Variants in DISC1 observed in about 807,000 individuals in gnomAD.
The protein encoded by DISC1 is disrupted in schizophrenia 1 protein.
A neutral mutation model predicts 84.5 loss-of-function variants in DISC1; 57 were observed. The observed-to-expected ratio is 0.67, with a 90% CI of 0.55 to 0.84. The LOEUF is 0.84. Among genes scored for constraint, DISC1 ranks in the 40% least tolerant of loss-of-function variants. The probability of loss-of-function intolerance (pLI) is 0.00; values close to 1 mark genes in which losing one functional copy is unlikely to be tolerated. For synonymous variants in DISC1, 411 were observed against 415.2 expected (o/e 0.99, Z 0.12); for missense variants, 1,000 against 1,057.8 (o/e 0.95, Z 0.76).
chr1:232,023,445 T>C (rs12041286), intron 11 of DISC1, among the ~76,000 whole-genome samples: 42,210 of 152,158 alleles, frequency 0.28, 6,666 homozygotes, highest in Admixed American at 0.35. Flanking sequence ...TTAATAAAAG[T>C]TATTTCAATT....
intron 9 of DISC1, among the ~76,000 whole-genome samples, chr1:231,893,417 G>C (rs1030706815): frequency 6.6e-6 from 1 of 152,142 alleles, no homozygotes; most frequent in Admixed American, 6.5e-5. Flanking sequence ...AAATAACAGA[G>C]TATAGGACAG....
At chr1:231,674,647 T>C (rs982473829) in intron 1 of DISC1, among the ~76,000 whole-genome samples, 1 of 152,238 alleles carries the variant, frequency 6.6e-6, no homozygotes, top group Non-Finnish European at 1.5e-5. Context: ...CTGCAGTACA[T>C]TGAAGCACTT....
chr1:231,751,474 G>A (rs1441934124), intron 4 of DISC1, among the ~76,000 whole-genome samples: 1 of 151,982 alleles, frequency 6.6e-6, no homozygotes, highest in African/African-American at 2.4e-5. Context: ...ACCATCTTAA[G>A]TGATGGTGAT....
intron 9 of DISC1, among the ~76,000 whole-genome samples, chr1:231,937,381 C>T (rs753686559): frequency 2.6e-5 from 4 of 152,166 alleles, no homozygotes; most frequent in Non-Finnish European, 5.9e-5. Flanking sequence ...ATAGATTTTC[C>T]ATAGGCATTT....
At chr1:231,978,360 C>T (rs1028263962) in intron 10 of DISC1, among the ~76,000 whole-genome samples, 8 of 152,178 alleles carry the variant, frequency 5.3e-5, no homozygotes, top group Admixed American at 2.0e-4. Context: ...GGGGGGGTTA[C>T]GACATAGTCA....
chr1:231,787,723 G>A (rs1355245319), intron 6 of DISC1, among the ~76,000 whole-genome samples: 2 of 152,148 alleles, frequency 1.3e-5, no homozygotes, highest in South Asian at 2.1e-4. Flanking sequence ...CTGAATTTTT[G>A]GAGCCATCTT....
chr1:231,876,500 C>G (rs2085899604), intron 9 of DISC1, among the ~76,000 whole-genome samples: 1 of 152,108 alleles, frequency 6.6e-6, no homozygotes, highest in African/African-American at 2.4e-5. Context: ...TACACCTTCC[C>G]ATCTCATATG....
intron 6 of DISC1, among the ~76,000 whole-genome samples, chr1:231,792,268 A>C (rs1288653600): frequency 6.6e-6 from 1 of 152,196 alleles, no homozygotes; most frequent in African/African-American, 2.4e-5. Context: ...TGGATATCTG[A>C]GAGGAGACTG....
Position 231,912,152 on chromosome 1 carries a change from C to T in DISC1, c.1982-46676C>T, listed in dbSNP as rs76489701. Among the ~76,000 whole-genome samples the T allele has an allele frequency of 3.9e-3, 597 of 152,054 alleles. 4 individuals are homozygous for T. Among genetic ancestry groups the T allele is most frequent in the African/African-American group, 0.013 (555 of 41,502 alleles). ...TTAGCTCGGAGAAGTTTATTATTAC[C>T]GATCGTTTGAAGCCTTCTTCTCTCA... On this transcript the variant is annotated intron_variant, in intron 9 of 12. Transcript: ENST00000439617.
intron 11 of DISC1, among the ~76,000 whole-genome samples, chr1:232,017,675 G>T (rs138180568): frequency 6.6e-4 from 100 of 152,248 alleles, no homozygotes; most frequent in African/African-American, 2.2e-3. Flanking sequence ...GTTCATGCTA[G>T]AGCTACAGGT....
intron 10 of DISC1, chr1:231,959,333 T>C: frequency 1.0e-6 from 1 of 985,756 alleles, no homozygotes; most frequent in Non-Finnish European, 1.2e-6. Flanking sequence ...TGAAAATTTC[T>C]GGTTGCTTTT....
intron 1 of DISC1, among the ~76,000 whole-genome samples, chr1:231,654,672 CT>C (rs2060914574): frequency 6.6e-6 from 1 of 152,162 alleles, no homozygotes; most frequent in East Asian, 1.9e-4. Flanking sequence ...CTACTTCCGA[CT>C]TTTTTTAGAT....
At chr1:231,902,551 A>G (rs1311264589) in intron 9 of DISC1, among the ~76,000 whole-genome samples, 1 of 152,012 alleles carries the variant, frequency 6.6e-6, no homozygotes, top group Non-Finnish European at 1.5e-5. Context: ...CAGTGAGCCA[A>G]ATTCACGCCA....
chr1:231,694,901 A>C, intron 2 of DISC1, 96 bp downstream of exon 2: 4 of 1,537,946 alleles, frequency 2.6e-6, no homozygotes, highest in Non-Finnish European at 3.5e-6. Flanking sequence ...GGCTCAACTG[A>C]CTTCCTCCTG....
chr1:231,737,750 T>G (rs2072703075), intron 3 of DISC1, among the ~76,000 whole-genome samples: 1 of 152,226 alleles, frequency 6.6e-6, no homozygotes, highest in African/African-American at 2.4e-5. Context: ...TACAAAGAGC[T>G]CACATATCTC....
chr1:231,986,419 T>C (rs909855745), intron 10 of DISC1, among the ~76,000 whole-genome samples: 1 of 152,200 alleles, frequency 6.6e-6, no homozygotes, highest in Non-Finnish European at 1.5e-5. Context: ...TCATGGTCCC[T>C]TTTATTCTTT....
intron 1 of DISC1, among the ~76,000 whole-genome samples, chr1:231,641,060 T>C (rs1201771208): frequency 6.6e-6 from 1 of 152,222 alleles, no homozygotes; most frequent in Admixed American, 6.5e-5. Flanking sequence ...CTTTCACTGA[T>C]AGGCCTGAAG....
At position 232,009,142 on chromosome 1, in the gene DISC1, G is replaced by C; in HGVS notation, c.2307+93G>C. On this transcript the variant is annotated intron_variant, in intron 11 of 12. Transcript: ENST00000439617. The surrounding 1 kb of genome is among the most constrained non-coding windows in gnomAD (Gnocchi z 4.6). ...AAATGGGAACAATAAATATTGGGAAGGCTTCCCATTGAGCATATAAACTTT... is the reference window on the plus strand; with the variant it reads ...AAATGGGAACAATAAATATTGGGAACGCTTCCCATTGAGCATATAAACTTT... 6.4e-7 allele frequency: 1 copy of C among 1,572,444 alleles called. No individual in the cohort carries two copies. The highest frequency in any genetic ancestry group is 8.6e-7 in the Non-Finnish European group (1 of 1,156,536).
chr1:231,889,304 C>T (rs984240550), intron 9 of DISC1, among the ~76,000 whole-genome samples: 1 of 152,112 alleles, frequency 6.6e-6, no homozygotes, highest in Non-Finnish European at 1.5e-5. Flanking sequence ...GTACACGCCA[C>T]CAAGACTAAG....
Sources: gnomAD v4.1 joint callset for allele counts (sites outside exome capture counted in the v4.1 genomes callset) on GRCh38, gnomAD v4.1.1 for gene constraint, Gnocchi (gnomAD v3.1) non-coding constraint, MANE v1.5 for transcripts, NCBI Gene and HGNC (gene_info 2026-07-23, HGNC 2026-07-21) for gene names.